The following TOP3A variants were observed in gnomAD, a reference collection of about 807,000 sequenced individuals.
TOP3A encodes the protein DNA topoisomerase III alpha.
A neutral mutation model predicts 111.3 loss-of-function variants in TOP3A; 64 were observed. That is an observed-to-expected ratio of 0.57 (90% CI 0.47 to 0.71). TOP3A has a LOEUF of 0.71. Among genes scored for constraint, TOP3A ranks in the 30% least tolerant of loss-of-function variants. The pLI is 0.00. For missense variants in TOP3A, 1,104 were observed against 1,285.0 expected, an observed-to-expected ratio of 0.86 and a Z score of 2.15; for synonymous variants, 484 against 485.1, an observed-to-expected ratio of 1.00 and a Z score of 0.03.
At chr17:18,275,088 G>A (rs1979257798) in intron 18 of TOP3A, 108 bp from the exon 19 acceptor site, 62 of 1,453,120 alleles carry the variant, frequency 4.3e-5, no homozygotes, top group Non-Finnish European at 5.7e-5. Context: ...GGAAGCTGAG[G>A]GAGGAGGATT....
chr17:18,283,333 C>A (rs945694542), intron 15 of TOP3A, among the ~76,000 whole-genome samples: 2 of 151,864 alleles, frequency 1.3e-5, no homozygotes, highest in African/African-American at 4.8e-5. Flanking sequence ...CACGCCATTG[C>A]ACCCTAGCCT....
In TOP3A at chr17:18,298,419, G is replaced by A. The variant is rs529466604; in HGVS notation, c.990+1140C>T. ...CCCCACCCGGCCAGCCTCCCCGTCC[G>A]GGAGGGAGGTGGGGGGGTCAGCCCC... On this transcript the variant is annotated intron_variant, in intron 9 of 18. Transcript: ENST00000321105. Among the ~76,000 whole-genome samples the A allele has an allele frequency of 5.7e-4, 84 of 148,582 alleles. 3 individuals are homozygous for A. The highest frequency in any genetic ancestry group is 3.4e-3 in the South Asian group (16 of 4,772).
intron 8 of TOP3A, among the ~76,000 whole-genome samples, chr17:18,300,772 G>A (rs1981179662): frequency 6.6e-6 from 1 of 152,024 alleles, no homozygotes; most frequent in Non-Finnish European, 1.5e-5. Context: ...CAGGCTGGTG[G>A]TCTTTTTATT....
intron 7 of TOP3A, 56 bp from the exon 8 acceptor site, chr17:18,302,041 G>T: frequency 6.5e-7 from 1 of 1,539,860 alleles, no homozygotes; most frequent in South Asian, 1.1e-5. Context: ...GTCATGATAT[G>T]ACAGATAGAA....
chr17:18,305,031 G>T, intron 5 of TOP3A, 81 bp downstream of exon 5: 3 of 1,145,538 alleles, frequency 2.6e-6, no homozygotes, highest in Non-Finnish European at 2.6e-6. Context: ...CTCATCCGTG[G>T]CCCATGTGCA....
Position 18,271,653 on chromosome 17 carries a change from G to A in TOP3A, c.*3149C>T, listed in dbSNP as rs960777103. 3.1e-6 allele frequency: 1 copy of A among 322,542 alleles called. No individual in the cohort carries two copies. The highest frequency in any genetic ancestry group is 4.2e-5 in the Admixed American group (1 of 23,846). The allele number at this position is 322,542 out of a possible 1,614,324, so 20.0% of individuals were successfully genotyped here. A position where few individuals can be genotyped will look rare whatever the true frequency, so the allele number is the denominator to read the frequency against. ...ATGGTGCAGCCCAATCCTGCAGTTT[G>A]CTTTTGAGACACACAGTTGCCTGCA... is the stretch of plus-strand genomic sequence containing the variant. On this transcript the variant is annotated 3_prime_UTR_variant, in exon 19 of 19. Transcript: ENST00000321105.
At chr17:18,286,499 G>C (rs9904235) in intron 13 of TOP3A, among the ~76,000 whole-genome samples, 3,935 of 152,218 alleles carry the variant, frequency 0.026, 170 homozygotes, top group African/African-American at 0.084. Context: ...CTGGGCAACA[G>C]AGCGAGACTC....
At chr17:18,300,927 G>T (rs77611798) in intron 8 of TOP3A, among the ~76,000 whole-genome samples, 1 of 152,196 alleles carries the variant, frequency 6.6e-6, no homozygotes, top group African/African-American at 2.4e-5. Flanking sequence ...TCACGTGTCT[G>T]TGGGTTAAGT....
rs1323374045 is a variant in TOP3A, at chr17:18,277,742, G to A, written c.2760C>T (p.His920=). ...KDGPNKGRQF[H]TCAKPREQQC... is the part of the protein sequence containing the mutation. ...GCTGCTCTCTCGGCTTGGCACATGT[G>A]TGGAACTGGCGCCCCTTGTTGGGTC... The change falls in exon 18 of 19, where the codon CAC becomes CAT. Residue 920 remains histidine, a synonymous_variant. Transcript: ENST00000321105. 6.2e-7 allele frequency: 1 copy of A among 1,614,200 alleles called. No individual in the cohort carries two copies.
rs1178527035 is a variant in TOP3A at position 18,302,448 on chromosome 17, G to C, written c.644-14C>G. ...TAAAGGCAGCTCCTGGAGAGTGAAG[G>C]AGAGTGAAGGAAGGTGAAAATGATG... On this transcript the variant is annotated splice_polypyrimidine_tract_variant and intron_variant, in intron 6 of 18. Coordinates refer to ENST00000321105, the MANE Select transcript of TOP3A (RefSeq NM_004618.5). The C allele has an allele frequency of 6.3e-7, 1 of 1,595,026 alleles. No homozygotes were observed. The highest frequency in any genetic ancestry group is 1.1e-5 in the South Asian group (1 of 89,482).
At chr17:18,306,271 C>T (rs1157282858) in intron 4 of TOP3A, among the ~76,000 whole-genome samples, 5 of 152,144 alleles carry the variant, frequency 3.3e-5, no homozygotes, top group African/African-American at 1.2e-4. Context: ...TGCTTGACAA[C>T]TGGCAATTTA....
intron 10 of TOP3A, 42 bp downstream of exon 10, chr17:18,294,661 T>TA: frequency 7.0e-7 from 1 of 1,434,658 alleles, no homozygotes; most frequent in Non-Finnish European, 9.8e-7. Flanking sequence ...TTCATCCTGA[T>TA]AAAGACGGTT....
chr17:18,302,008 G>A (rs1416579597), intron 7 of TOP3A, 23 bp from the exon 8 acceptor site: 6 of 1,597,336 alleles, frequency 3.8e-6, no homozygotes, highest in African/African-American at 1.3e-5. Context: ...GAGACAAACA[G>A]AAAGGCTGTG....
intron 9 of TOP3A, among the ~76,000 whole-genome samples, chr17:18,298,679 G>A (rs375963904): frequency 1.8e-3 from 270 of 151,768 alleles, no homozygotes; most frequent in Middle Eastern, 0.017. Context: ...AGAGGTAGAC[G>A]TGGGAGACTT....
At chr17:18,297,154 G>C (rs965605391) in intron 9 of TOP3A, among the ~76,000 whole-genome samples, 1 of 152,140 alleles carries the variant, frequency 6.6e-6, no homozygotes, top group Non-Finnish European at 1.5e-5. Flanking sequence ...GGCCAGGCGC[G>C]GTGGCTCACG....
intron 13 of TOP3A, among the ~76,000 whole-genome samples, chr17:18,288,154 T>TAA (rs1427846577): frequency 7.5e-6 from 1 of 132,622 alleles, no homozygotes; most frequent in African/African-American, 3.2e-5. Context: ...TATATAAATT[T>TAA]TTTTTTTTTT....
intron 15 of TOP3A, among the ~76,000 whole-genome samples, chr17:18,283,326 G>A (rs1252166738): frequency 2.0e-5 from 3 of 151,720 alleles, no homozygotes; most frequent in African/African-American, 4.8e-5. Context: ...CCAAGATCAC[G>A]CCATTGCACC....
rs1013819028 is a variant in TOP3A at position 18,273,709 on chromosome 17, A to G, written c.*1093T>C. Among the ~76,000 whole-genome samples the G allele has an allele frequency of 1.3e-5, 2 of 152,192 alleles. No homozygotes were observed. Among genetic ancestry groups the G allele is most frequent in the Non-Finnish European group, 2.9e-5 (2 of 68,038 alleles). ...CAGTGGTGTGATCATGGCTTGCTGC[A>G]GCCTCAAACTCTTGGGTTCAAAGGA... is the stretch of plus-strand genomic sequence containing the variant. On this transcript the variant is annotated 3_prime_UTR_variant, in exon 19 of 19. Coordinates refer to ENST00000321105, the MANE Select transcript of TOP3A (RefSeq NM_004618.5).
At chr17:18,281,540 C>A (rs961761515) in intron 16 of TOP3A, among the ~76,000 whole-genome samples, 1 of 152,154 alleles carries the variant, frequency 6.6e-6, no homozygotes, top group Non-Finnish European at 1.5e-5. Flanking sequence ...AATCCAATAA[C>A]CTACCGATAG....
Sources: gnomAD v4.1 joint callset for allele counts (sites outside exome capture counted in the v4.1 genomes callset) on GRCh38, gnomAD v4.1.1 for gene constraint, MANE v1.5 for transcripts, NCBI Gene and HGNC (gene_info 2026-07-23, HGNC 2026-07-21) for gene names.